CFAP299: variants seen among roughly 807,000 people sequenced by gnomAD.
CFAP299 encodes cilia- and flagella-associated protein 299.
A neutral mutation model predicts 27.0 loss-of-function variants in CFAP299; 21 were observed. The observed-to-expected ratio is 0.78, with a 90% CI of 0.55 to 1.12. CFAP299 has a LOEUF of 1.12. Among genes scored for constraint, CFAP299 ranks in the 50% most tolerant of loss-of-function variants. The pLI, the probability that CFAP299 is intolerant of heterozygous loss-of-function variation, is 0.00. For missense variants in CFAP299, 310 were observed against 276.6 expected, an observed-to-expected ratio of 1.12 and a Z score of -0.86; for synonymous variants, 104 against 98.1, an observed-to-expected ratio of 1.06 and a Z score of -0.36.
chr4:80,869,900 C>A, intron 3 of CFAP299, 93 bp from the exon 4 acceptor site: 2 of 1,187,652 alleles, frequency 1.7e-6, no homozygotes, highest in Non-Finnish European at 2.3e-6. Context: ...TATGGTCACT[C>A]ATATTAGTGT....
chr4:80,799,346 TAA>T (rs1302697567), intron 3 of CFAP299, among the ~76,000 whole-genome samples: 1 of 96,548 alleles, frequency 1.0e-5, no homozygotes, highest in East Asian at 2.7e-4. Flanking sequence ...TTTATATATA[TAA>T]ATGTATTTAT....
chr4:80,553,662 G>A (rs554313741), intron 2 of CFAP299, among the ~76,000 whole-genome samples: 2 of 152,146 alleles, frequency 1.3e-5, no homozygotes, highest in East Asian at 3.9e-4. Context: ...GCCAGCATAT[G>A]TTATTTTTTT....
chr4:80,533,859 T>TA (rs145226043), intron 2 of CFAP299, among the ~76,000 whole-genome samples: 3,676 of 151,930 alleles, frequency 0.024, 128 homozygotes, highest in African/African-American at 0.068. Context: ...AGTAGTGTTG[T>TA]AAAAAAAACT....
intron 2 of CFAP299, among the ~76,000 whole-genome samples, chr4:80,523,011 T>C (rs1466456645): frequency 1.4e-5 from 2 of 142,520 alleles, no homozygotes; most frequent in Non-Finnish European, 3.0e-5. Flanking sequence ...AATTTTAGGA[T>C]TGTATTTTTA....
chr4:80,828,755 A>G (rs1265643097), intron 3 of CFAP299, among the ~76,000 whole-genome samples: 1 of 152,056 alleles, frequency 6.6e-6, no homozygotes, highest in Non-Finnish European at 1.5e-5. Flanking sequence ...CCAATTAAAC[A>G]TCTTTTCTTT....
chr4:80,328,077 A>G, the CFAP299 span, among the ~76,000 whole-genome samples: 1 of 151,806 alleles, frequency 6.6e-6, no homozygotes, highest in Non-Finnish European at 1.5e-5. Context: ...GGCGACCTAG[A>G]AAAAAAACAA....
At position 80,415,703 on chromosome 4, in the gene CFAP299, G is replaced by A. The variant is rs573988575; in HGVS notation, c.242+52819G>A. 1.8e-3 allele frequency among the ~76,000 whole-genome samples: 275 copies of A among 152,158 alleles called. 2 individuals carry two copies. The highest frequency in any genetic ancestry group is 6.2e-3 in the African/African-American group (258 of 41,518). On this transcript the variant is annotated intron_variant, in intron 2 of 5. Transcript: ENST00000358105. Reference sequence around the variant, plus strand: ...TCAAACCTCAGAAATAGATATTTATGAATTAATTTTTAGTAAAAACAAACT... The same window carrying A: ...TCAAACCTCAGAAATAGATATTTATAAATTAATTTTTAGTAAAAACAAACT...
intron 3 of CFAP299, among the ~76,000 whole-genome samples, chr4:80,824,994 CAG>C (rs1489481222): frequency 6.6e-6 from 1 of 151,730 alleles, no homozygotes; most frequent in Non-Finnish European, 1.5e-5. Flanking sequence ...TAAAGATACT[CAG>C]AGAACTAAAT....
intron 3 of CFAP299, among the ~76,000 whole-genome samples, chr4:80,629,666 G>A (rs1739104973): frequency 6.6e-6 from 1 of 151,986 alleles, no homozygotes; most frequent in South Asian, 2.1e-4. Context: ...GATCACTTGA[G>A]GTCAGGAGTT....
At chr4:80,843,889 C>A (rs1415120702) in intron 3 of CFAP299, among the ~76,000 whole-genome samples, 1 of 151,152 alleles carries the variant, frequency 6.6e-6, no homozygotes, top group Non-Finnish European at 1.5e-5. Flanking sequence ...TTAGGTATAT[C>A]TCCTAATGTA....
intron 3 of CFAP299, among the ~76,000 whole-genome samples, chr4:80,623,009 T>C (rs964160121): frequency 1.3e-5 from 2 of 152,138 alleles, no homozygotes; most frequent in Non-Finnish European, 2.9e-5. Flanking sequence ...TGTCACTTTT[T>C]TTAAAAAAGT....
intron 3 of CFAP299, among the ~76,000 whole-genome samples, chr4:80,855,926 A>G (rs1338853237): frequency 5.3e-5 from 8 of 151,870 alleles, no homozygotes; most frequent in Middle Eastern, 3.2e-3. Context: ...ATACCCAGTA[A>G]TGGGATGGCT....
intron 4 of CFAP299, among the ~76,000 whole-genome samples, chr4:80,934,921 T>C (rs1736813161): frequency 6.6e-6 from 1 of 152,034 alleles, no homozygotes; most frequent in Non-Finnish European, 1.5e-5. Context: ...CTGCTAACTC[T>C]GAGTTTAGCT....
In CFAP299 at chr4:80,488,719, G is replaced by A. The variant is rs182168437; in HGVS notation, c.243-94374G>A. On this transcript the variant is annotated intron_variant, in intron 2 of 5. Transcript: ENST00000358105. ...TCTCGATCTCCTGACCTTGTGATCC[G>A]CCCACCTTGGCCTCCCAAAGTGCTG... 2.6e-3 allele frequency among the ~76,000 whole-genome samples: 389 copies of A among 152,200 alleles called. 1 individual carries two copies. Among genetic ancestry groups the A allele is most frequent in the African/African-American group, 8.7e-3 (360 of 41,544 alleles).
intron 2 of CFAP299, among the ~76,000 whole-genome samples, chr4:80,520,184 TA>T: frequency 6.6e-6 from 1 of 152,236 alleles, no homozygotes; most frequent in East Asian, 1.9e-4. Flanking sequence ...CCTAATGGGC[TA>T]ACTTATTTTA....
intron 2 of CFAP299, among the ~76,000 whole-genome samples, chr4:80,547,917 T>G (rs1212257819): frequency 6.6e-6 from 1 of 152,030 alleles, no homozygotes; most frequent in East Asian, 1.9e-4. Context: ...ACACCTATAC[T>G]CTGCTGGTAA....
chr4:80,626,463 A>G (rs1308479526), intron 3 of CFAP299, among the ~76,000 whole-genome samples: 1 of 151,884 alleles, frequency 6.6e-6, no homozygotes, highest in Admixed American at 6.6e-5. Context: ...CTAACATTGT[A>G]CTTCAAGGAA....
chr4:80,856,910 G>C (rs35681176), intron 3 of CFAP299, among the ~76,000 whole-genome samples: 21,916 of 150,014 alleles, frequency 0.15, 1,990 homozygotes, highest in Middle Eastern at 0.26. Context: ...TCCATATGAA[G>C]TTTAAAGTAG....
At chr4:80,869,048 A>G (rs1732921307) in intron 3 of CFAP299, among the ~76,000 whole-genome samples, 1 of 152,002 alleles carries the variant, frequency 6.6e-6, no homozygotes, top group African/African-American at 2.4e-5. Context: ...TGAGAATTAT[A>G]GCTCATGTTC....
Sources: gnomAD v4.1 joint callset for allele counts (sites outside exome capture counted in the v4.1 genomes callset) on GRCh38, gnomAD v4.1.1 for gene constraint, MANE v1.5 for transcripts, NCBI Gene and HGNC (gene_info 2026-07-23, HGNC 2026-07-21) for gene names.